Variants in HSF5 observed in about 807,000 individuals in gnomAD.
The protein encoded by HSF5 is heat shock transcription factor 5.
HSF5 carries 5 observed loss-of-function variants against 50.8 expected under a neutral mutation model. The ratio of observed to expected loss-of-function variants is 0.10; its 90% CI spans 0.05 to 0.21. The LOEUF is 0.21. Among genes scored for constraint, HSF5 ranks in the 10% least tolerant of loss-of-function variants. HSF5 has a pLI of 1.00. For missense variants in HSF5, 564 were observed against 762.6 expected, an observed-to-expected ratio of 0.74 and a Z score of 3.07; for synonymous variants, 307 against 307.4, an observed-to-expected ratio of 1.00 and a Z score of 0.02.
rs974512900 is a variant in HSF5, at chr17:58,476,901, AGTG to A, written c.925+2989_925+2991del. On this transcript the variant is annotated intron_variant, in intron 2 of 5. Transcript: ENST00000323777. ...TTTCCTGAGGTCTCGTCGGCCCTGT[AGTG>A]GTTGGAGTTGAGCTCCTTTTTACTG... 7.9e-6 allele frequency: 8 copies of A among 1,011,410 alleles called. No homozygotes were observed. The African/African-American group carries it at 1.3e-4, about 17-fold the overall frequency. The allele number at this position is 1,011,410 out of a possible 1,614,324, so 62.7% of individuals were successfully genotyped here.
chr17:58,466,902 G>A lies in HSF5; in HGVS notation c.1003C>T (p.His335Tyr), dbSNP rs772682536. 7 of 1,601,256 alleles carry A rather than the reference G, an allele frequency of 4.4e-6. No homozygotes were observed. The highest frequency in any genetic ancestry group is 6.0e-6 in the Non-Finnish European group (7 of 1,168,392). Residue 335 changes from histidine to tyrosine, a missense_variant, in exon 3 of 6, where the codon CAC becomes TAC. This residue lies in a region of HSF5 where 441 missense variants were observed against 533.6 expected (regional missense o/e 0.83). Transcript: ENST00000323777. ...AATCTTACCTGGAAGTAGTTGCAGTGTGCATAGGAAGAGGCAGTGGGAGTG... is the reference window on the plus strand; with the variant it reads ...AATCTTACCTGGAAGTAGTTGCAGTATGCATAGGAAGAGGCAGTGGGAGTG... ...CVTPTASSYA[H>Y]CNYFQNPSMQ...
At position 58,487,747 on chromosome 17, in the gene HSF5, C is replaced by T. The variant is rs1177379652; in HGVS notation, c.528G>A (p.Ala176=). Residue 176 remains alanine, a synonymous_variant, in exon 1 of 6, where the codon GCG becomes GCA. Coordinates refer to ENST00000323777, the MANE Select transcript of HSF5 (RefSeq NM_001080439.3). The stretch of plus-strand genomic sequence containing the variant: ...CACCGTGCGGCTCGGGCCGGGGCCC[C>T]GCGGGCGGCGGCGGCTGCTGGTGCT... ...PLQHQQPPPP[A]GPRPEPHGPV... 7 of 1,383,214 alleles carry T rather than the reference C, an allele frequency of 5.1e-6. No individual in the cohort carries two copies. In the Admixed American group the frequency reaches 1.5e-4, roughly 30 times the overall value. The allele number at this position is 1,383,214 out of a possible 1,614,324, so 85.7% of individuals were successfully genotyped here.
rs577552976 is a variant in HSF5, at chr17:58,426,509, T to C, written c.1721-4079A>G. Among the ~76,000 whole-genome samples the C allele has an allele frequency of 7.2e-5, 11 of 152,350 alleles. No individual in the cohort carries two copies. In the East Asian group the frequency reaches 1.9e-3, roughly 27 times the overall value. The stretch of plus-strand genomic sequence containing the variant: ...CCCCAAGAGACAAGAGCATTGCATC[T>C]ACTTGTTTGGGAATGATCATTCCTA... On this transcript the variant is annotated intron_variant, in intron 5 of 5. Transcript: ENST00000323777.
chr17:58,471,621 C>CTT lies in HSF5; in HGVS notation c.926-4644_926-4643dup, dbSNP rs35088448. Among the ~76,000 whole-genome samples, 372 of 144,626 alleles carry CTT rather than the reference C, an allele frequency of 2.6e-3. 1 individual carries two copies. The highest frequency in any genetic ancestry group is 5.2e-3 in the East Asian group (26 of 4,998). 94.9% of individuals were successfully genotyped at this position (144,626 alleles called of 152,430 possible). A position where few individuals can be genotyped will look rare whatever the true frequency, so the allele number is the denominator to read the frequency against. On this transcript the variant is annotated intron_variant, in intron 2 of 5. Coordinates refer to ENST00000323777, the MANE Select transcript of HSF5 (RefSeq NM_001080439.3). The stretch of plus-strand genomic sequence containing the variant: ...TTTTTCTTTTTCTTTCCTTTTCTTT[C>CTT]TTTTTTTTTTTTGAGACACAATCTT...
Position 58,421,080 on chromosome 17 carries a change from T to C in HSF5, c.*1280A>G, listed in dbSNP as rs1974225073. 1 of 152,630 alleles carries C rather than the reference T, an allele frequency of 6.6e-6. No homozygotes were observed. The highest frequency in any genetic ancestry group is 2.4e-5 in the African/African-American group (1 of 41,452). The allele number at this position is 152,630 out of a possible 1,614,324, so 9.5% of individuals were successfully genotyped here. A position where few individuals can be genotyped will look rare whatever the true frequency, so the allele number is the denominator to read the frequency against. ...AATCCAATAAGAAAGTTTTGGTCAATTGAAAGACTTTAAATCAGAAAGTTT... is the reference window on the plus strand; with the variant it reads ...AATCCAATAAGAAAGTTTTGGTCAACTGAAAGACTTTAAATCAGAAAGTTT... On this transcript the variant is annotated 3_prime_UTR_variant, in exon 6 of 6. Coordinates refer to ENST00000323777, the MANE Select transcript of HSF5 (RefSeq NM_001080439.3).
chr17:58,455,343 C>T (rs1252384600), intron 5 of HSF5, among the ~76,000 whole-genome samples: 1 of 152,088 alleles, frequency 6.6e-6, no homozygotes, highest in East Asian at 1.9e-4. Context: ...TGATTAAATA[C>T]TTAAATGTAA....
At chr17:58,454,560 T>A (rs2143768742) in intron 5 of HSF5, among the ~76,000 whole-genome samples, 1 of 152,350 alleles carries the variant, frequency 6.6e-6, no homozygotes, top group East Asian at 1.9e-4. Context: ...TGTTTGTGGA[T>A]GGCATGATCA....
At chr17:58,485,489 G>A (rs1435064708) in intron 1 of HSF5, among the ~76,000 whole-genome samples, 1 of 149,354 alleles carries the variant, frequency 6.7e-6, no homozygotes, top group East Asian at 2.2e-4. Context: ...GCTCACGCCT[G>A]TAATCCCAGC....
chr17:58,466,527 T>C (rs1046534010), intron 3 of HSF5, among the ~76,000 whole-genome samples: 9 of 152,354 alleles, frequency 5.9e-5, no homozygotes, highest in African/African-American at 2.2e-4. Flanking sequence ...CTACGTTAAG[T>C]ATGGAATAAT....
chr17:58,439,548 G>C (rs1481332740), intron 5 of HSF5, among the ~76,000 whole-genome samples: 1 of 151,826 alleles, frequency 6.6e-6, no homozygotes, highest in Admixed American at 6.6e-5. Flanking sequence ...GCAATAGCGC[G>C]ATCTCGGCTC....
intron 4 of HSF5, 40 bp from the exon 5 acceptor site, chr17:58,458,985 A>G: frequency 6.5e-7 from 1 of 1,535,914 alleles, no homozygotes; most frequent in South Asian, 1.2e-5. Flanking sequence ...GATTTCCTCC[A>G]AATATCTGCT....
intron 5 of HSF5, among the ~76,000 whole-genome samples, chr17:58,438,021 T>C (rs1974448834): frequency 6.6e-6 from 1 of 152,122 alleles, no homozygotes; most frequent in Non-Finnish European, 1.5e-5. Context: ...TACATTCCAA[T>C]TACAGCATAG....
chr17:58,471,798 G>A (rs1345818420), intron 2 of HSF5, among the ~76,000 whole-genome samples: 3 of 151,616 alleles, frequency 2.0e-5, no homozygotes, highest in African/African-American at 7.3e-5. Context: ...TGTACCTTGG[G>A]GGAAAGCATA....
At chr17:58,433,671 T>C (rs1283369734) in intron 5 of HSF5, among the ~76,000 whole-genome samples, 1 of 152,158 alleles carries the variant, frequency 6.6e-6, no homozygotes, top group Non-Finnish European at 1.5e-5. Flanking sequence ...AAGGTTGAAA[T>C]AATCTGTTCA....
chr17:58,431,761 C>T (rs1445635127), intron 5 of HSF5, among the ~76,000 whole-genome samples: 1 of 152,096 alleles, frequency 6.6e-6, no homozygotes, highest in Non-Finnish European at 1.5e-5. Flanking sequence ...AGTACCAAGC[C>T]CAAGGCAGGC....
At chr17:58,423,557 G>A (rs1355949891) in intron 5 of HSF5, among the ~76,000 whole-genome samples, 2 of 139,144 alleles carry the variant, frequency 1.4e-5, no homozygotes, top group Non-Finnish European at 3.0e-5. Context: ...TCAGCTCATA[G>A]CAAACTCCGC....
intron 5 of HSF5, among the ~76,000 whole-genome samples, chr17:58,424,989 G>C (rs552358772): frequency 2.0e-5 from 3 of 152,186 alleles, no homozygotes; most frequent in Non-Finnish European, 4.4e-5. Context: ...TAATAGGTAC[G>C]GAGTTTCCGT....
Position 58,476,324 on chromosome 17 carries a change from T to G in HSF5, c.925+3569A>C, listed in dbSNP as rs189773028. ...AATGGGTTTGGCCAAATACCATCTTTGATGACCTCTCCTAACTCATCAGTA... is the reference window on the plus strand; with the variant it reads ...AATGGGTTTGGCCAAATACCATCTTGGATGACCTCTCCTAACTCATCAGTA... On this transcript the variant is annotated intron_variant, in intron 2 of 5. Coordinates refer to ENST00000323777, the MANE Select transcript of HSF5 (RefSeq NM_001080439.3). 195 of 1,101,488 alleles carry G rather than the reference T, an allele frequency of 1.8e-4. No homozygotes were observed. In the African/African-American group the frequency reaches 2.6e-3, roughly 15 times the overall value. The allele number at this position is 1,101,488 out of a possible 1,614,324, so 68.2% of individuals were successfully genotyped here. A position where few individuals can be genotyped will look rare whatever the true frequency, so the allele number is the denominator to read the frequency against.
chr17:58,470,848 T>C (rs1188534890), intron 2 of HSF5, among the ~76,000 whole-genome samples: 8 of 151,974 alleles, frequency 5.3e-5, no homozygotes, highest in Non-Finnish European at 1.2e-4. Flanking sequence ...ATCACTTGAA[T>C]CCGGGAGGCA....
Sources: gnomAD v4.1 joint callset for allele counts (sites outside exome capture counted in the v4.1 genomes callset) on GRCh38, gnomAD v4.1.1 for gene constraint, gnomAD v4.1.1 regional missense constraint, MANE v1.5 for transcripts, NCBI Gene and HGNC (gene_info 2026-07-23, HGNC 2026-07-21) for gene names.